OXR1: variants seen among roughly 807,000 people sequenced by gnomAD.
OXR1 encodes oxidation resistance protein 1.
Under a neutral mutation model 104.6 loss-of-function variants are expected in OXR1, and 41 were observed. That is an observed-to-expected ratio of 0.39 (90% CI 0.31 to 0.51). The LOEUF is 0.51. OXR1 is among the 20% of genes least tolerant of loss of function. The pLI, the probability that OXR1 is intolerant of heterozygous loss-of-function variation, is 0.77. For missense variants in OXR1, 955 were observed against 1,031.9 expected (o/e 0.93, Z 1.02); for synonymous variants, 348 against 348.4 (o/e 1.00, Z 0.01).
intron 3 of OXR1, among the ~76,000 whole-genome samples, chr8:106,523,777 A>T (rs1227082961): frequency 6.9e-6 from 1 of 145,622 alleles, no homozygotes; most frequent in Non-Finnish European, 1.5e-5. Flanking sequence ...TGGAGTGGAA[A>T]TTTTTTTTTT....
chr8:106,659,033 G>T (rs1391710471), intron 3 of OXR1, among the ~76,000 whole-genome samples: 1 of 152,180 alleles, frequency 6.6e-6, no homozygotes, highest in African/African-American at 2.4e-5. Flanking sequence ...AAATAAATGA[G>T]CATTAGAGAG....
chr8:106,306,990 G>T (rs1166054036), intron 1 of OXR1, among the ~76,000 whole-genome samples: 1 of 152,216 alleles, frequency 6.6e-6, no homozygotes, highest in African/African-American at 2.4e-5. Context: ...GGGAGAACTA[G>T]AAGCACTTGT....
intron 3 of OXR1, among the ~76,000 whole-genome samples, chr8:106,562,112 C>T (rs954096826): frequency 2.6e-5 from 4 of 151,974 alleles, no homozygotes; most frequent in African/African-American, 9.7e-5. Flanking sequence ...CAAAACTGGA[C>T]AAGAATGAGT....
At chr8:106,360,910 A>G (rs1262633507) in intron 2 of OXR1, among the ~76,000 whole-genome samples, 1 of 152,110 alleles carries the variant, frequency 6.6e-6, no homozygotes, top group African/African-American at 2.4e-5. Context: ...AGGGTTGGGG[A>G]AAGGAAAAGG....
intron 3 of OXR1, among the ~76,000 whole-genome samples, chr8:106,547,615 C>T (rs1232145078): frequency 6.6e-6 from 1 of 151,578 alleles, no homozygotes; most frequent in Non-Finnish European, 1.5e-5. Context: ...TGCCCAGCCT[C>T]CCAAACAGCT....
rs145075750 is a variant in OXR1 at position 106,387,280 on chromosome 8, C to T, written c.23+27644C>T. On this transcript the variant is annotated intron_variant, in intron 2 of 16. Transcript: ENST00000517566. Reference sequence around the variant, plus strand: ...ATCAGGGAATGCAGGTTTGCACAGACCAGTCATTCTTTTTAGTTGTTTGTT... The same window carrying T: ...ATCAGGGAATGCAGGTTTGCACAGATCAGTCATTCTTTTTAGTTGTTTGTT... Among the ~76,000 whole-genome samples the T allele has an allele frequency of 5.0e-3, 761 of 152,266 alleles. 4 individuals carry two copies. Among genetic ancestry groups the T allele is most frequent in the Middle Eastern group, 0.014 (4 of 292 alleles).
At chr8:106,271,202 T>C (rs763296570) in intron 1 of OXR1, among the ~76,000 whole-genome samples, 20 of 151,980 alleles carry the variant, frequency 1.3e-4, no homozygotes, top group Non-Finnish European at 2.6e-4. Flanking sequence ...AATAGTGATT[T>C]AGTACTGTTA....
At chr8:106,441,001 C>G (rs1046516691) in intron 2 of OXR1, among the ~76,000 whole-genome samples, 1 of 151,848 alleles carries the variant, frequency 6.6e-6, no homozygotes, top group Non-Finnish European at 1.5e-5. Context: ...TTAAAATTTT[C>G]ATTGTTTTTT....
intron 3 of OXR1, among the ~76,000 whole-genome samples, chr8:106,549,091 G>A (rs185099437): frequency 1.3e-5 from 2 of 152,204 alleles, no homozygotes; most frequent in Non-Finnish European, 2.9e-5. Flanking sequence ...CAAAACCAGT[G>A]AAATAAATCT....
chr8:106,430,050 T>A (rs1819297230), intron 2 of OXR1, among the ~76,000 whole-genome samples: 1 of 152,066 alleles, frequency 6.6e-6, no homozygotes, highest in Non-Finnish European at 1.5e-5. Context: ...TGTCTGTGTG[T>A]TGTGTGTAGA....
intron 11 of OXR1, among the ~76,000 whole-genome samples, chr8:106,718,847 A>T (rs1832555056): frequency 6.6e-6 from 1 of 151,682 alleles, no homozygotes; most frequent in South Asian, 2.1e-4. Flanking sequence ...TCAAAAAAAA[A>T]AAAAAGGAGC....
intron 1 of OXR1, among the ~76,000 whole-genome samples, chr8:106,334,495 T>C (rs1039832751): frequency 6.6e-6 from 1 of 152,242 alleles, no homozygotes; most frequent in African/African-American, 2.4e-5. Flanking sequence ...CCATCCTTTC[T>C]CGTTCCTGAT....
intron 1 of OXR1, among the ~76,000 whole-genome samples, chr8:106,328,173 C>T (rs1243759951): frequency 6.6e-6 from 1 of 152,156 alleles, no homozygotes; most frequent in Non-Finnish European, 1.5e-5. Context: ...GCTAACAATC[C>T]AGTGTTTATT....
At chr8:106,736,171 C>G (rs1037033492) in intron 11 of OXR1, among the ~76,000 whole-genome samples, 4 of 151,246 alleles carry the variant, frequency 2.6e-5, no homozygotes, top group Non-Finnish European at 5.9e-5. Flanking sequence ...TGACACCCCC[C>G]CCCATCCGCC....
chr8:106,480,424 C>A (rs905878835), intron 2 of OXR1, among the ~76,000 whole-genome samples: 6 of 151,982 alleles, frequency 3.9e-5, no homozygotes, highest in Non-Finnish European at 7.4e-5. Context: ...ATATTAACTG[C>A]TATGTGTATA....
intron 8 of OXR1, among the ~76,000 whole-genome samples, chr8:106,705,094 T>C (rs906156319): frequency 2.0e-5 from 3 of 152,330 alleles, no homozygotes; most frequent in Admixed American, 6.5e-5. Context: ...ATATTAAATC[T>C]GAAGAGTATA....
Position 106,740,379 on chromosome 8 carries a change from C to G in OXR1, c.2200C>G (p.Pro734Ala). ...TCTTCCACCAAGAACAATTGGCTAT[C>G]CATGGACTCTTGTTTATGGTACTGG... ...KHLPPRTIGYPWTLVYGTGKH... is the reference protein window; with the variant it reads ...KHLPPRTIGYAWTLVYGTGKH... Residue 734 changes from proline to alanine, a missense_variant, in exon 14 of 17, where the codon CCA becomes GCA. By Grantham distance (27) the Pro-to-Ala change is conservative. Coordinates refer to ENST00000517566, the MANE Select transcript of OXR1 (RefSeq NM_001198533.2). 2 of 1,612,706 alleles carry G rather than the reference C, an allele frequency of 1.2e-6. No homozygotes were observed. The highest frequency in any genetic ancestry group is 8.5e-7 in the Non-Finnish European group (1 of 1,179,172).
intron 7 of OXR1, chr8:106,697,920 G>A: frequency 6.2e-7 from 1 of 1,612,254 alleles, no homozygotes; most frequent in Non-Finnish European, 8.5e-7. Context: ...TGATCCACTG[G>A]ATCAGGATCT....
At chr8:106,293,707 G>A (rs1219078220) in intron 1 of OXR1, among the ~76,000 whole-genome samples, 2 of 152,182 alleles carry the variant, frequency 1.3e-5, no homozygotes, top group Non-Finnish European at 2.9e-5. Context: ...TCACGTGGCA[G>A]AAGACAGAAG....
Sources: gnomAD v4.1 joint callset for allele counts (sites outside exome capture counted in the v4.1 genomes callset) on GRCh38, gnomAD v4.1.1 for gene constraint, MANE v1.5 for transcripts, NCBI Gene and HGNC (gene_info 2026-07-23, HGNC 2026-07-21) for gene names.